CUX1: variants seen among roughly 807,000 people sequenced by gnomAD.
CUX1 encodes the protein protein CASP.
A neutral mutation model predicts 158.8 loss-of-function variants in CUX1; 31 were observed. The observed-to-expected ratio is 0.20, with a 90% CI of 0.15 to 0.26. CUX1 has a LOEUF of 0.26. CUX1 is among the 10% of genes least tolerant of loss of function. CUX1 has a pLI of 1.00. For missense variants in CUX1, 1,589 were observed against 2,014.6 expected (o/e 0.79, Z 4.04); for synonymous variants, 879 against 862.1 (o/e 1.02, Z -0.34).
intron 3 of CUX1, among the ~76,000 whole-genome samples, chr7:102,040,735 C>T (rs1166481236): frequency 6.6e-6 from 1 of 152,206 alleles, no homozygotes; most frequent in East Asian, 1.9e-4. Context: ...GCCAGGGCGT[C>T]CATGTGGTTC....
At chr7:102,041,256 CTTTTTTTTTTTTTTT>C (rs11427183) in intron 3 of CUX1, among the ~76,000 whole-genome samples, 8 of 69,892 alleles carry the variant, frequency 1.1e-4, no homozygotes, top group Admixed American at 2.3e-4. Flanking sequence ...CTTATCCATT[CTTTTTTTTTTTTTTT>C]TTTTTTTTTT....
At chr7:102,210,787 G>T (rs1796431497) in intron 20 of CUX1, among the ~76,000 whole-genome samples, 1 of 152,176 alleles carries the variant, frequency 6.6e-6, no homozygotes, top group African/African-American at 2.4e-5. Context: ...TCTAATGTGG[G>T]TGGTCCAATG....
At chr7:102,016,194 C>T (rs771537828) in intron 2 of CUX1, among the ~76,000 whole-genome samples, 5 of 152,194 alleles carry the variant, frequency 3.3e-5, no homozygotes, top group Non-Finnish European at 7.3e-5. Flanking sequence ...GCAGTCCTCT[C>T]GCCTTAACCT....
chr7:102,107,310 G>C (rs376583638), intron 6 of CUX1, among the ~76,000 whole-genome samples: 29 of 152,072 alleles, frequency 1.9e-4, no homozygotes, highest in African/African-American at 6.5e-4. Context: ...AGGGTGAGGT[G>C]GGTGGATCAC....
chr7:102,063,686 C>T (rs1353666763), intron 3 of CUX1, among the ~76,000 whole-genome samples: 1 of 152,174 alleles, frequency 6.6e-6, no homozygotes, highest in Non-Finnish European at 1.5e-5. Context: ...AGCCACCGTG[C>T]CTTGTCAAGA....
chr7:102,009,083 A>T (rs1585258436), intron 2 of CUX1, among the ~76,000 whole-genome samples: 1 of 152,222 alleles, frequency 6.6e-6, no homozygotes, highest in Admixed American at 6.5e-5. Context: ...CAGCGGTTCC[A>T]GATGAAATGC....
rs73712587 is a variant in CUX1 at position 101,919,479 on chromosome 7, C to T, written c.141+3254C>T. ...CGTTGGGTAGGACAGCCTGGCTTAC[C>T]GGGAGGAGGGTATCCTCTTCCCTAT... On this transcript the variant is annotated intron_variant, in intron 2 of 23. Coordinates refer to ENST00000292535, the MANE Select transcript of CUX1 (RefSeq NM_181552.4). 3.6e-3 allele frequency among the ~76,000 whole-genome samples: 541 copies of T among 152,230 alleles called. 5 individuals are homozygous for T. Among genetic ancestry groups the T allele is most frequent in the African/African-American group, 0.012 (513 of 41,542 alleles).
chr7:102,108,736 T>TTTTTTGTGTGTGTGTGTGTGTG (rs10529873), intron 6 of CUX1, among the ~76,000 whole-genome samples: 1 of 144,970 alleles, frequency 6.9e-6, no homozygotes, highest in African/African-American at 2.6e-5. Context: ...TTCATTCATT[T>TTTTTTGTGTGTGTGTGTGTGTG]TGTGTGTGTG....
chr7:101,877,790 GTGTGTGTGTGTGTT>G (rs1562957243), intron 1 of CUX1, among the ~76,000 whole-genome samples: 2 of 126,660 alleles, frequency 1.6e-5, no homozygotes, highest in Non-Finnish European at 3.2e-5. Flanking sequence ...GTGTGTGTGT[GTGTGTGTGTGTGTT>G]TATTAAAGCG....
chr7:102,256,136 GCC>G lies in CUX1; in HGVS notation c.*7095_*7096del. Reference sequence around the variant, plus strand: ...GCAGGGCCCGCGGGCTCTGGCCGGAGCCGCTGGCCTGACGAGGCAGGATAGGG... The same window carrying G: ...GCAGGGCCCGCGGGCTCTGGCCGGAGGCTGGCCTGACGAGGCAGGATAGGG... On this transcript the variant is annotated 3_prime_UTR_variant, in exon 24 of 24. Transcript: ENST00000292535. 1 of 985,420 alleles carries G rather than the reference GCC, an allele frequency of 1.0e-6. No individual in the cohort carries two copies. Among genetic ancestry groups the G allele is most frequent in the South Asian group, 4.7e-5 (1 of 21,294 alleles). The allele number at this position is 985,420 out of a possible 1,614,324, so 61.0% of individuals were successfully genotyped here.
At chr7:102,186,108 A>G (rs751477356) in intron 11 of CUX1, among the ~76,000 whole-genome samples, 23 of 152,188 alleles carry the variant, frequency 1.5e-4, no homozygotes, top group Non-Finnish European at 3.1e-4. Flanking sequence ...TGGGAACCCA[A>G]CAAGGAGTTT....
intron 5 of CUX1, among the ~76,000 whole-genome samples, chr7:102,101,745 A>C (rs1484407308): frequency 1.3e-5 from 2 of 152,072 alleles, no homozygotes; most frequent in African/African-American, 2.4e-5. Flanking sequence ...CCCCGTCTCT[A>C]CTTAAAAAAT....
intron 2 of CUX1, among the ~76,000 whole-genome samples, chr7:101,976,367 A>G (rs1297219552): frequency 1.3e-5 from 2 of 152,228 alleles, no homozygotes; most frequent in Non-Finnish European, 2.9e-5. Flanking sequence ...CATTTTCCCA[A>G]TGCAATATTC....
chr7:102,121,701 G>T (rs1832066721), intron 8 of CUX1, among the ~76,000 whole-genome samples: 1 of 152,120 alleles, frequency 6.6e-6, no homozygotes, highest in Admixed American at 6.6e-5. Context: ...GTGTTATCTT[G>T]TTTGCCCTTT....
intron 4 of CUX1, among the ~76,000 whole-genome samples, chr7:102,075,150 G>A (rs1826570401): frequency 6.6e-6 from 1 of 152,114 alleles, no homozygotes; most frequent in Admixed American, 6.6e-5. Flanking sequence ...TGAGCACCAT[G>A]CCTGGCCTGT....
chr7:102,078,826 C>G (rs967991581), intron 4 of CUX1, among the ~76,000 whole-genome samples: 2 of 152,092 alleles, frequency 1.3e-5, no homozygotes, highest in Admixed American at 1.3e-4. Context: ...TCAGAGCCTG[C>G]TCCCAAATGC....
chr7:102,155,561 C>A (rs1295816088), intron 8 of CUX1, among the ~76,000 whole-genome samples: 5 of 151,298 alleles, frequency 3.3e-5, no homozygotes, highest in East Asian at 3.9e-4. Context: ...AAAAAAAAAA[C>A]AACACAAAAA....
chr7:101,938,824 TGA>T (rs1389881077), intron 2 of CUX1, among the ~76,000 whole-genome samples: 2 of 151,874 alleles, frequency 1.3e-5, no homozygotes, highest in African/African-American at 4.8e-5. Context: ...GCAGATCACT[TGA>T]GGTCAGGAGT....
intron 6 of CUX1, 28 bp from the exon 7 acceptor site, chr7:102,111,670 A>G (rs1554490101): frequency 1.2e-6 from 2 of 1,610,298 alleles, no homozygotes; most frequent in Non-Finnish European, 1.7e-6. Flanking sequence ...GGAGATGACC[A>G]ATTTGGCTTC....
Sources: gnomAD v4.1 joint callset for allele counts (sites outside exome capture counted in the v4.1 genomes callset) on GRCh38, gnomAD v4.1.1 for gene constraint, MANE v1.5 for transcripts, NCBI Gene and HGNC (gene_info 2026-07-23, HGNC 2026-07-21) for gene names.